Variants in IL1R2 observed in about 807,000 individuals in gnomAD.
The protein encoded by IL1R2 is interleukin 1 receptor type 2, also known as interleukin-1 receptor type 2.
A neutral mutation model predicts 39.5 loss-of-function variants in IL1R2; 46 were observed. The ratio of observed to expected loss-of-function variants is 1.16; its 90% CI spans 0.92 to 1.49. IL1R2 has a LOEUF of 1.49. Among genes scored for constraint, IL1R2 ranks in the 40% most tolerant of loss-of-function variants. IL1R2 has a pLI of 0.00. For synonymous variants in IL1R2, 207 were observed against 189.6 expected (o/e 1.09, Z -0.75); for missense variants, 537 against 502.0 (o/e 1.07, Z -0.67).
At chr2:102,027,605 C>T (rs1677815395) in intron 8 of IL1R2, among the ~76,000 whole-genome samples, 2 of 152,194 alleles carry the variant, frequency 1.3e-5, no homozygotes, top group Non-Finnish European at 2.9e-5. Context: ...TCCTGGATGA[C>T]TAAACAGACT....
chr2:102,025,783 T>G (rs543964429), intron 7 of IL1R2, among the ~76,000 whole-genome samples: 1 of 152,318 alleles, frequency 6.6e-6, no homozygotes, highest in South Asian at 2.1e-4. Context: ...AAACTAGACG[T>G]TTCTGTTCCC....
At chr2:102,026,482 T>C (rs1677755164) in intron 8 of IL1R2, among the ~76,000 whole-genome samples, 1 of 152,196 alleles carries the variant, frequency 6.6e-6, no homozygotes, top group Non-Finnish European at 1.5e-5. Flanking sequence ...AAGCTGATTT[T>C]TGGAAAATGG....
chr2:102,013,524 C>CAAA lies in IL1R2; in HGVS notation c.333-2321_333-2319dup, dbSNP rs771727938. ...ATAAATGCCTTACTTTCTATCACTG[C>CAAA]AAAAAAAAAAAAAAAAAAAAAAAAA... On this transcript the variant is annotated intron_variant, in intron 3 of 8. Transcript: ENST00000332549. Among the ~76,000 whole-genome samples the CAAA allele has an allele frequency of 7.2e-3, 41 of 5,682 alleles. 3 individuals are homozygous for CAAA. The highest frequency in any genetic ancestry group is 0.016 in the African/African-American group (26 of 1,590). The allele number at this position is 5,682 out of a possible 152,430, so 3.7% of individuals were successfully genotyped here. A position where few individuals can be genotyped will look rare whatever the true frequency, so the allele number is the denominator to read the frequency against.
chr2:102,027,318 A>AAC (rs1303247575), intron 8 of IL1R2, among the ~76,000 whole-genome samples: 2 of 152,138 alleles, frequency 1.3e-5, no homozygotes, highest in African/African-American at 4.8e-5. Context: ...CAAAAATCAG[A>AAC]ATGTTCCCTC....
At chr2:102,006,159 T>C (rs2150428959) in intron 1 of IL1R2, among the ~76,000 whole-genome samples, 1 of 152,322 alleles carries the variant, frequency 6.6e-6, no homozygotes, top group Non-Finnish European at 1.5e-5. Flanking sequence ...ACTTCTTTCA[T>C]GTTCTAATGG....
At position 102,009,845 on chromosome 2, in the gene IL1R2, G is replaced by T. The variant is rs371934769; in HGVS notation, c.332+19G>T. 22 of 1,610,500 alleles carry T rather than the reference G, an allele frequency of 1.4e-5. No homozygotes were observed. Among genetic ancestry groups the T allele is most frequent in the Non-Finnish European group, 1.8e-5 (21 of 1,177,360 alleles). Reference sequence around the variant, plus strand: ...CTACTAGGTAAGTCTCCCTGTGCGGGGCTGGGGAGGGGATCCTGGCAGGAT... The same window carrying T: ...CTACTAGGTAAGTCTCCCTGTGCGGTGCTGGGGAGGGGATCCTGGCAGGAT... On this transcript the variant is annotated intron_variant, in intron 3 of 8. Coordinates refer to ENST00000332549, the MANE Select transcript of IL1R2 (RefSeq NM_004633.4).
chr2:101,996,085 C>T (rs1675572221), intron 1 of IL1R2, among the ~76,000 whole-genome samples: 2 of 151,932 alleles, frequency 1.3e-5, no homozygotes, highest in Non-Finnish European at 2.9e-5. Context: ...ACTTGTTTTT[C>T]TCAGTCACGT....
intron 3 of IL1R2, among the ~76,000 whole-genome samples, chr2:102,013,678 G>GCTTATTT (rs1676808728): frequency 6.6e-6 from 1 of 151,872 alleles, no homozygotes; most frequent in South Asian, 2.1e-4. Flanking sequence ...AATAACAAGG[G>GCTTATTT]CTTATTTCTT....
intron 3 of IL1R2, among the ~76,000 whole-genome samples, chr2:102,013,554 G>GAAAAAAAAAAAAAAAAA (rs1577711343): frequency 6.3e-4 from 20 of 31,636 alleles, no homozygotes; most frequent in East Asian, 2.0e-3. Context: ...AAAAAAAAAG[G>GAAAAAAAAAAAAAAAAA]AAAGAAAGAA....
chr2:102,028,431 C>G lies in IL1R2; in HGVS notation c.*39C>G. The G allele has an allele frequency of 6.7e-7, 1 of 1,503,640 alleles. No homozygotes were observed. The highest frequency in any genetic ancestry group is 9.0e-7 in the Non-Finnish European group (1 of 1,108,652). The allele number at this position is 1,503,640 out of a possible 1,614,324, so 93.1% of individuals were successfully genotyped here. On this transcript the variant is annotated 3_prime_UTR_variant, in exon 9 of 9. Transcript: ENST00000332549. ...AAATAATTCAAACACAAACTCCGTA[C>G]GTCTTCTCTTATGGAAGTGGCTGTG...
intron 1 of IL1R2, among the ~76,000 whole-genome samples, chr2:102,007,756 T>A (rs1213956717): frequency 1.3e-5 from 2 of 152,218 alleles, no homozygotes; most frequent in East Asian, 3.8e-4. Context: ...TGAATCCATG[T>A]GTTGCAAGGG....
intron 5 of IL1R2, 66 bp from the exon 6 acceptor site, chr2:102,022,121 G>A (rs1677436557): frequency 1.5e-6 from 2 of 1,320,220 alleles, no homozygotes; most frequent in Admixed American, 3.4e-5. Flanking sequence ...GCCAAACAAT[G>A]ACTTGAACCA....
chr2:102,005,217 C>T (rs1210053220), intron 1 of IL1R2, among the ~76,000 whole-genome samples: 1 of 152,164 alleles, frequency 6.6e-6, no homozygotes, highest in Non-Finnish European at 1.5e-5. Flanking sequence ...AAGCCTGACC[C>T]TGAGAGAATG....
chr2:102,000,062 G>A lies in IL1R2; in HGVS notation c.-62+8051G>A, dbSNP rs555261362. ...TCTCAGGCTGGGCTGTGGAATGGTC[G>A]CTTAGCAGGAATTCGGCAGAATGCA... On this transcript the variant is annotated intron_variant, in intron 1 of 8. Transcript: ENST00000332549. Among the ~76,000 whole-genome samples, 54 of 152,290 alleles carry A rather than the reference G, an allele frequency of 3.5e-4. 1 individual carries two copies. Among genetic ancestry groups the A allele is most frequent in the African/African-American group, 1.2e-3 (51 of 41,556 alleles).
At chr2:102,002,618 A>T (rs1675943905) in intron 1 of IL1R2, among the ~76,000 whole-genome samples, 1 of 138,624 alleles carries the variant, frequency 7.2e-6, no homozygotes, top group South Asian at 2.4e-4. Context: ...GTCTGTATAA[A>T]TGTCTATGTC....
At position 102,028,458 on chromosome 2, in the gene IL1R2, CT is replaced by C; in HGVS notation, c.*71del. 2 of 1,371,766 alleles carry C rather than the reference CT, an allele frequency of 1.5e-6. No homozygotes were observed. Among genetic ancestry groups the C allele is most frequent in the Non-Finnish European group, 2.0e-6 (2 of 1,009,518 alleles). The allele number at this position is 1,371,766 out of a possible 1,614,324, so 85.0% of individuals were successfully genotyped here. On this transcript the variant is annotated 3_prime_UTR_variant, in exon 9 of 9. Transcript: ENST00000332549. Reference sequence around the variant, plus strand: ...TCTTCTCTTATGGAAGTGGCTGTGTCTTTTTGAGGGACTCTGTTCTTTGCCT... The same window carrying C: ...TCTTCTCTTATGGAAGTGGCTGTGTCTTTTGAGGGACTCTGTTCTTTGCCT...
chr2:102,026,276 A>G (rs1444894100), intron 8 of IL1R2, 23 bp downstream of exon 8: 8 of 1,565,206 alleles, frequency 5.1e-6, no homozygotes, highest in Non-Finnish European at 6.1e-6. Flanking sequence ...TTTGGGGAGC[A>G]CTATAGGAGA....
At chr2:102,020,203 T>C (rs1011326249) in intron 5 of IL1R2, among the ~76,000 whole-genome samples, 16 of 152,212 alleles carry the variant, frequency 1.1e-4, no homozygotes, top group Non-Finnish European at 2.2e-4. Context: ...TTCAATTTTA[T>C]TGGGTATTCT....
In IL1R2 at chr2:102,028,457, T is replaced by C; in HGVS notation, c.*65T>C. On this transcript the variant is annotated 3_prime_UTR_variant, in exon 9 of 9. Coordinates refer to ENST00000332549, the MANE Select transcript of IL1R2 (RefSeq NM_004633.4). ...GTCTTCTCTTATGGAAGTGGCTGTGTCTTTTTGAGGGACTCTGTTCTTTGC... is the reference window on the plus strand; with the variant it reads ...GTCTTCTCTTATGGAAGTGGCTGTGCCTTTTTGAGGGACTCTGTTCTTTGC... 7.2e-7 allele frequency: 1 copy of C among 1,392,564 alleles called. No homozygotes were observed. Among genetic ancestry groups the C allele is most frequent in the Non-Finnish European group, 9.7e-7 (1 of 1,027,212 alleles). The allele number at this position is 1,392,564 out of a possible 1,614,324, so 86.3% of individuals were successfully genotyped here. A position where few individuals can be genotyped will look rare whatever the true frequency, so the allele number is the denominator to read the frequency against.
Sources: allele counts gnomAD v4.1 joint callset (sites outside exome capture counted in the v4.1 genomes callset), GRCh38; gene constraint gnomAD v4.1.1; transcripts MANE v1.5; gene names NCBI Gene and HGNC (gene_info 2026-07-23, HGNC 2026-07-21).